SLC13A3: variants seen among roughly 807,000 people sequenced by gnomAD.
The protein encoded by SLC13A3 is Na(+)/dicarboxylate cotransporter 3.
Under a neutral mutation model 59.0 loss-of-function variants are expected in SLC13A3, and 40 were observed. That is an observed-to-expected ratio of 0.68 (90% CI 0.53 to 0.88). The LOEUF (loss-of-function observed/expected upper bound fraction) is 0.88, where lower values mean the gene tolerates loss of function less well. SLC13A3 is among the 40% of genes least tolerant of loss of function. The pLI, the probability that SLC13A3 is intolerant of heterozygous loss-of-function variation, is 0.00. For synonymous variants in SLC13A3, 317 were observed against 330.3 expected, an observed-to-expected ratio of 0.96 and a Z score of 0.44; for missense variants, 699 against 783.2, an observed-to-expected ratio of 0.89 and a Z score of 1.28.
At chr20:46,608,883 C>T in intron 3 of SLC13A3, 1 of 1,549,174 alleles carries the variant, frequency 6.5e-7, no homozygotes, top group Non-Finnish European at 8.7e-7. Context: ...GTCTTTGGGT[C>T]CCAGGTGCCA....
intron 10 of SLC13A3, among the ~76,000 whole-genome samples, chr20:46,570,952 A>T (rs569002059): frequency 2.6e-5 from 4 of 152,348 alleles, no homozygotes; most frequent in Admixed American, 1.3e-4. Context: ...TGGGTAATTT[A>T]TAAAGGAAAG....
At chr20:46,638,182 G>A (rs547547374) in intron 1 of SLC13A3, among the ~76,000 whole-genome samples, 390 of 152,274 alleles carry the variant, frequency 2.6e-3, no homozygotes, top group Non-Finnish European at 2.6e-3. Flanking sequence ...CCATACCTGC[G>A]GCTGGGCACT....
chr20:46,651,383 G>C lies in SLC13A3; in HGVS notation c.39C>G (p.Ser13Arg). ...ACAGCAGCACCAGCAGCCGCCGCGC[G>C]CTCCACACCTTCTTGGCCGCTGCTG... ...ALAAAAKKVW[S>R]ARRLLVLLFT... Residue 13 changes from serine to arginine, a missense_variant, in exon 1 of 13, where the codon AGC becomes AGG. By Grantham distance (110) the Ser-to-Arg change is moderately radical (BLOSUM62 -1). Coordinates refer to ENST00000279027, the MANE Select transcript of SLC13A3 (RefSeq NM_022829.6). 1 of 1,507,330 alleles carries C rather than the reference G, an allele frequency of 6.6e-7. No homozygotes were observed. The highest frequency in any genetic ancestry group is 8.8e-7 in the Non-Finnish European group (1 of 1,132,046). The allele number at this position is 1,507,330 out of a possible 1,614,324, so 93.4% of individuals were successfully genotyped here.
At chr20:46,608,962 T>G in intron 3 of SLC13A3, 1 of 1,550,906 alleles carries the variant, frequency 6.4e-7, no homozygotes, top group Non-Finnish European at 8.7e-7. Context: ...CCACTCATAT[T>G]CCATTGACCA....
intron 3 of SLC13A3, among the ~76,000 whole-genome samples, chr20:46,605,494 G>A (rs1340218037): frequency 6.6e-6 from 1 of 152,088 alleles, no homozygotes; most frequent in Non-Finnish European, 1.5e-5. Context: ...AAATCCTTGA[G>A]TTTGTGTCAG....
chr20:46,602,092 A>G (rs1298978002), intron 3 of SLC13A3, among the ~76,000 whole-genome samples: 1 of 152,162 alleles, frequency 6.6e-6, no homozygotes, highest in Non-Finnish European at 1.5e-5. Context: ...CCAGCTACTC[A>G]GGAGGCTAAG....
chr20:46,650,487 T>A (rs1473468510), intron 1 of SLC13A3, among the ~76,000 whole-genome samples: 1 of 152,194 alleles, frequency 6.6e-6, no homozygotes, highest in Non-Finnish European at 1.5e-5. Context: ...ACCGTCCTCA[T>A]CACGTAAGGA....
chr20:46,651,388 A>C lies in SLC13A3; in HGVS notation c.34T>G (p.Trp12Gly). 2 of 1,507,678 alleles carry C rather than the reference A, an allele frequency of 1.3e-6. No individual in the cohort carries two copies. The highest frequency in any genetic ancestry group is 1.8e-6 in the Non-Finnish European group (2 of 1,132,470). 93.4% of individuals were successfully genotyped at this position (1,507,678 alleles called of 1,614,324 possible). ...AGCACCAGCAGCCGCCGCGCGCTCC[A>C]CACCTTCTTGGCCGCTGCTGCCAGC... is the stretch of plus-strand genomic sequence containing the variant. ...AALAAAAKKV[W>G]SARRLLVLLF... Residue 12 changes from tryptophan (W) to glycine (G), a missense_variant, in exon 1 of 13, where the codon TGG (tryptophan) becomes GGG (glycine). Transcript: ENST00000279027.
intron 3 of SLC13A3, among the ~76,000 whole-genome samples, chr20:46,607,692 G>A (rs1371385037): frequency 1.3e-5 from 2 of 152,168 alleles, no homozygotes; most frequent in Non-Finnish European, 2.9e-5. Context: ...TGAGGGACTT[G>A]GCTTTCAATC....
intron 3 of SLC13A3, among the ~76,000 whole-genome samples, chr20:46,607,991 C>T (rs1227280624): frequency 6.6e-6 from 1 of 152,122 alleles, no homozygotes; most frequent in East Asian, 1.9e-4. Context: ...GCCCAGTGTA[C>T]AAAATGAATA....
chr20:46,588,235 CA>C (rs1190825787), intron 7 of SLC13A3, 72 bp from the exon 8 acceptor site: 5 of 892,872 alleles, frequency 5.6e-6, no homozygotes, highest in African/African-American at 5.0e-5. Flanking sequence ...CAGGCTCAGG[CA>C]GCTGCCCACT....
chr20:46,584,253 G>C, intron 8 of SLC13A3: 1 of 985,440 alleles, frequency 1.0e-6, no homozygotes, highest in African/African-American at 1.7e-5. Flanking sequence ...GAGGGTCAAA[G>C]AGCAGAAACA....
chr20:46,606,134 C>A (rs534784205), intron 3 of SLC13A3, among the ~76,000 whole-genome samples: 1 of 152,294 alleles, frequency 6.6e-6, no homozygotes, highest in South Asian at 2.1e-4. Context: ...CTGATAGGCC[C>A]TTCACGGAGC....
At chr20:46,651,174 G>C (rs1181122618) in intron 1 of SLC13A3, 137 bp downstream of exon 1, 29 of 1,336,852 alleles carry the variant, frequency 2.2e-5, no homozygotes, top group Non-Finnish European at 2.8e-5. Flanking sequence ...TCCGCGGCAG[G>C]TGCAAGGGAG....
chr20:46,598,888 T>G (rs569923417), intron 4 of SLC13A3, among the ~76,000 whole-genome samples: 1 of 152,090 alleles, frequency 6.6e-6, no homozygotes, highest in East Asian at 1.9e-4. Flanking sequence ...TGGCTGTTCT[T>G]TGACCTCTCA....
chr20:46,635,993 C>A (rs2062791902), intron 1 of SLC13A3, among the ~76,000 whole-genome samples: 1 of 152,192 alleles, frequency 6.6e-6, no homozygotes, highest in Non-Finnish European at 1.5e-5. Context: ...AGGGGAGGAA[C>A]CCTCAGTTTC....
At chr20:46,655,336 CAT>C (rs747722738), upstream of SLC13A3, among the ~76,000 whole-genome samples, 3 of 148,830 alleles carry the variant, frequency 2.0e-5, no homozygotes, top group South Asian at 2.1e-4. Context: ...TATGTTCATT[CAT>C]ATATATATAT....
intron 1 of SLC13A3, among the ~76,000 whole-genome samples, chr20:46,616,573 T>G (rs1232794288): frequency 6.6e-6 from 1 of 152,144 alleles, no homozygotes; most frequent in Non-Finnish European, 1.5e-5. Context: ...CTGAGACCCT[T>G]TTGTTGGAAA....
chr20:46,568,549 C>A (rs2062002299), intron 10 of SLC13A3, among the ~76,000 whole-genome samples: 1 of 152,066 alleles, frequency 6.6e-6, no homozygotes, highest in African/African-American at 2.4e-5. Flanking sequence ...CCAGAAGAGT[C>A]CTCATGAAAC....
Sources: allele counts gnomAD v4.1 joint callset (sites outside exome capture counted in the v4.1 genomes callset), GRCh38; gene constraint gnomAD v4.1.1; transcripts MANE v1.5; gene names NCBI Gene and HGNC (gene_info 2026-07-23, HGNC 2026-07-21).